The following ZSWIM5 variants were observed in gnomAD, a reference collection of about 807,000 sequenced individuals.
ZSWIM5 encodes the protein zinc finger SWIM domain-containing protein 5.
Under a neutral mutation model 119.6 loss-of-function variants are expected in ZSWIM5, and 55 were observed. That is an observed-to-expected ratio of 0.46 (90% CI 0.37 to 0.58). The LOEUF (loss-of-function observed/expected upper bound fraction) is 0.58. ZSWIM5 is among the 20% of genes least tolerant of loss of function. The pLI, the probability that ZSWIM5 is intolerant of heterozygous loss-of-function variation, is 0.00. For missense variants in ZSWIM5, 1,193 were observed against 1,512.8 expected (o/e 0.79, Z 3.51); for synonymous variants, 537 against 606.9 (o/e 0.88, Z 1.69).
chr1:45,113,590 AAGAG>A (rs1283943409), intron 1 of ZSWIM5, among the ~76,000 whole-genome samples: 1 of 152,230 alleles, frequency 6.6e-6, no homozygotes, highest in African/African-American at 2.4e-5. Flanking sequence ...AATGGATTGA[AAGAG>A]AGAAACTGGA....
intron 1 of ZSWIM5, among the ~76,000 whole-genome samples, chr1:45,105,357 T>C (rs1416530692): frequency 6.6e-6 from 1 of 152,226 alleles, no homozygotes; most frequent in Non-Finnish European, 1.5e-5. Flanking sequence ...TTACAGCCTC[T>C]GCCTGCCTGC....
At chr1:45,078,254 C>T (rs757376100) in intron 2 of ZSWIM5, among the ~76,000 whole-genome samples, 1 of 152,222 alleles carries the variant, frequency 6.6e-6, no homozygotes, top group Non-Finnish European at 1.5e-5. Context: ...CCAAGTTCTT[C>T]TGTCATGGCT....
At chr1:45,133,156 A>G (rs1162352888) in intron 1 of ZSWIM5, among the ~76,000 whole-genome samples, 3 of 152,130 alleles carry the variant, frequency 2.0e-5, no homozygotes, top group Admixed American at 6.5e-5. Flanking sequence ...GTCAAATGGT[A>G]TTTCTAGTTC....
rs75028409 is a variant in ZSWIM5, at chr1:45,160,021, A to G, written c.595+45735T>C. ...CCCTTCATTTAAGTTTTAATTTCTA[A>G]TACAGTAAATATGAATAGGTGTGAC... On this transcript the variant is annotated intron_variant, in intron 1 of 13. Transcript: ENST00000359600. 1.1e-3 allele frequency among the ~76,000 whole-genome samples: 174 copies of G among 152,318 alleles called. 1 individual carries two copies. The highest frequency in any genetic ancestry group is 6.6e-3 in the South Asian group (32 of 4,830).
intron 1 of ZSWIM5, among the ~76,000 whole-genome samples, chr1:45,106,051 CGCCCCGTCTGGG>C (rs1645473835): frequency 7.2e-6 from 1 of 139,774 alleles, no homozygotes; most frequent in African/African-American, 2.7e-5. Context: ...TCTGCCCGGC[CGCCCCGTCTGGG>C]AGGTGAGGAG....
At chr1:45,112,318 TATA>T (rs202149596) in intron 1 of ZSWIM5, among the ~76,000 whole-genome samples, 2 of 152,200 alleles carry the variant, frequency 1.3e-5, no homozygotes, top group East Asian at 3.8e-4. Flanking sequence ...CTGCCATCTT[TATA>T]ATTAGTTTTG....
intron 12 of ZSWIM5, 82 bp downstream of exon 12, chr1:45,020,543 C>T: frequency 6.7e-7 from 1 of 1,489,952 alleles, no homozygotes; most frequent in Non-Finnish European, 9.1e-7. Context: ...GGCCTATGCC[C>T]AGTCTCCCAG....
intron 1 of ZSWIM5, among the ~76,000 whole-genome samples, chr1:45,149,874 A>G (rs1250611245): frequency 1.3e-5 from 2 of 152,202 alleles, no homozygotes; most frequent in African/African-American, 4.8e-5. Flanking sequence ...TAAAAGGGAC[A>G]AGAAGGAACA....
chr1:45,191,683 C>T (rs1428277959), intron 1 of ZSWIM5, among the ~76,000 whole-genome samples: 10 of 152,168 alleles, frequency 6.6e-5, no homozygotes. Flanking sequence ...GGTTAAGTAA[C>T]TTGTCCAAGG....
At chr1:45,122,212 C>G (rs1363955834) in intron 1 of ZSWIM5, among the ~76,000 whole-genome samples, 1 of 152,226 alleles carries the variant, frequency 6.6e-6, no homozygotes, top group Admixed American at 6.5e-5. Context: ...AAGGCTGACT[C>G]TGTCACTCAA....
Position 45,205,921 on chromosome 1 carries a change from C to CG in ZSWIM5, c.429dup (p.Gly144ArgfsTer65). On this transcript the variant is annotated frameshift_variant, in exon 1 of 14. Coordinates refer to ENST00000359600, the MANE Select transcript of ZSWIM5 (RefSeq NM_020883.2). LOFTEE classifies it high-confidence loss of function. The stretch of plus-strand genomic sequence containing the variant: ...GCGGAGCCGGCCGGAGCGGCGGCCC[C>CG]GGGGGGTGGCTGCGGCCCCTCCTCG... 2 of 1,099,924 alleles carry CG rather than the reference C, an allele frequency of 1.8e-6. No homozygotes were observed. Among genetic ancestry groups the CG allele is most frequent in the Non-Finnish European group, 2.2e-6 (2 of 904,066 alleles). The allele number at this position is 1,099,924 out of a possible 1,614,324, so 68.1% of individuals were successfully genotyped here.
chr1:45,199,112 T>A (rs989289319), intron 1 of ZSWIM5, among the ~76,000 whole-genome samples: 10 of 152,142 alleles, frequency 6.6e-5, no homozygotes, highest in Admixed American at 6.5e-4. Flanking sequence ...CATATACTTG[T>A]CAGCATTTGG....
Position 45,060,255 on chromosome 1 carries a change from G to A in ZSWIM5, c.953-8C>T. 2 of 1,612,852 alleles carry A rather than the reference G, an allele frequency of 1.2e-6. No homozygotes were observed. Among genetic ancestry groups the A allele is most frequent in the Non-Finnish European group, 1.7e-6 (2 of 1,179,688 alleles). ...CTGTGGGGTCAGGGGCACCTATGAA[G>A]AATGAGAACAGTGAAATGAATCACC... On this transcript the variant is annotated splice_polypyrimidine_tract_variant and splice_region_variant and intron_variant, in intron 2 of 13. Transcript: ENST00000359600.
intron 11 of ZSWIM5, among the ~76,000 whole-genome samples, chr1:45,028,076 C>T (rs1644930856): frequency 6.6e-6 from 1 of 152,196 alleles, no homozygotes; most frequent in Non-Finnish European, 1.5e-5. Context: ...GTCTCGAACT[C>T]CTGACCTCAG....
intron 1 of ZSWIM5, among the ~76,000 whole-genome samples, chr1:45,189,522 G>A (rs534711067): frequency 2.6e-5 from 4 of 152,206 alleles, no homozygotes; most frequent in South Asian, 2.1e-4. Flanking sequence ...TTGGGAGGCC[G>A]AGGTAGGTGG....
In ZSWIM5 at chr1:45,020,770, C is replaced by G. The variant is rs780897124; in HGVS notation, c.2468G>C (p.Arg823Pro). ...CTTCTGTATTGCTTCCAGAATTGTT[C>G]GGAGTCTCAAAGTGTCTCCTATAGG... ...TAAKGDTLRL[R>P]TILEAIQKHI... Residue 823 changes from arginine (R) to proline (P), a missense_variant, in exon 12 of 14, where the codon CGA becomes CCA. By Grantham distance (103) the Arg-to-Pro change is moderately radical. Transcript: ENST00000359600. The G allele has an allele frequency of 8.7e-6, 14 of 1,613,848 alleles. No homozygotes were observed. In the Admixed American group the frequency reaches 1.7e-4, roughly 19 times the overall value.
chr1:45,032,613 G>A (rs1260146350), intron 11 of ZSWIM5, among the ~76,000 whole-genome samples: 1 of 151,576 alleles, frequency 6.6e-6, no homozygotes. Context: ...AGCCTCCTGA[G>A]TAGCTGGGAC....
intron 5 of ZSWIM5, among the ~76,000 whole-genome samples, chr1:45,044,040 A>G (rs11211072): frequency 0.52 from 78,790 of 151,810 alleles, 21,122 homozygotes; most frequent in South Asian, 0.66. Flanking sequence ...AAATTTAAAA[A>G]TTAGCCCAGC....
chr1:45,030,984 A>T (rs1232975308), intron 11 of ZSWIM5, among the ~76,000 whole-genome samples: 6 of 150,158 alleles, frequency 4.0e-5, no homozygotes, highest in Non-Finnish European at 7.4e-5. Flanking sequence ...TTTTTAGTAG[A>T]GACAGGGTTG....
Sources: gnomAD v4.1 joint callset for allele counts (sites outside exome capture counted in the v4.1 genomes callset) on GRCh38, gnomAD v4.1.1 for gene constraint, MANE v1.5 for transcripts, NCBI Gene and HGNC (gene_info 2026-07-23, HGNC 2026-07-21) for gene names.